The following ZNF232 variants were observed in gnomAD, a reference collection of about 807,000 sequenced individuals.
The protein encoded by ZNF232 is zinc finger and SCAN domain-containing protein 11.
ZNF232 carries 25 observed loss-of-function variants against 25.2 expected under a neutral mutation model. The ratio of observed to expected loss-of-function variants is 0.99; its 90% CI spans 0.72 to 1.39. ZNF232 has a LOEUF of 1.39. ZNF232 is among the 40% of genes most tolerant of loss of function. The probability of loss-of-function intolerance (pLI) is 0.00; values close to 1 mark genes in which losing one functional copy is unlikely to be tolerated. For synonymous variants in ZNF232, 193 were observed against 182.9 expected (o/e 1.06, Z -0.45); for missense variants, 519 against 520.9 (o/e 1.00, Z 0.04).
At chr17:5,108,850 C>T (rs925746191) in intron 3 of ZNF232, 76 bp downstream of exon 3, 5 of 1,603,096 alleles carry the variant, frequency 3.1e-6, no homozygotes, top group Non-Finnish European at 4.3e-6. Flanking sequence ...ACTATTTACC[C>T]TTTACAGGTA....
At position 5,117,190 on chromosome 17, in the gene ZNF232, C is replaced by T. The variant is rs568696874; in HGVS notation, c.-529-4839G>A. Among the ~76,000 whole-genome samples, 10 of 152,304 alleles carry T rather than the reference C, an allele frequency of 6.6e-5. No individual in the cohort carries two copies. In the East Asian group the frequency reaches 1.9e-3, roughly 29 times the overall value. The stretch of plus-strand genomic sequence containing the variant: ...AGAGACTTGTCCATTTATGCTCACC[C>T]TGCTTTGTAGCACCCGCTGCTTAAC... On this transcript the variant is annotated intron_variant, in intron 1 of 4. Transcript: ENST00000250076.
At chr17:5,108,484 T>C (rs939642173) in intron 3 of ZNF232, among the ~76,000 whole-genome samples, 1 of 151,652 alleles carries the variant, frequency 6.6e-6, no homozygotes, top group African/African-American at 2.4e-5. Context: ...GAGTGCTTTA[T>C]GGCTTAAAAA....
rs1299505584 is a variant in ZNF232 at position 5,105,997 on chromosome 17, C to T, written c.1135G>A (p.Glu379Lys). 5 of 1,614,170 alleles carry T rather than the reference C, an allele frequency of 3.1e-6. No homozygotes were observed. The highest frequency in any genetic ancestry group is 4.2e-6 in the Non-Finnish European group (5 of 1,179,996). Reference sequence around the variant, plus strand: ...AAGGCCTTCCCACACTCATTACACTCATAGGGCTTCTCTCCTGAGTGAATC... The same window carrying T: ...AAGGCCTTCCCACACTCATTACACTTATAGGGCTTCTCTCCTGAGTGAATC... Residue 379 changes from glutamate to lysine, a missense_variant, in exon 4 of 4, where the codon GAG (glutamate) becomes AAG (lysine). Physicochemically the swap from Glu to Lys is moderately conservative, Grantham distance 56. Transcript: ENST00000575898.
chr17:5,109,521 A>G (rs1301504747), exon 2 of ZNF232: 2 of 1,614,206 alleles, frequency 1.2e-6, no homozygotes, highest in South Asian at 2.2e-5. Context: ...GAATTGTTCC[A>G]GCACCAGGAA....
chr17:5,115,185 G>A (rs1054202673), upstream of ZNF232, among the ~76,000 whole-genome samples: 2 of 151,966 alleles, frequency 1.3e-5, no homozygotes, highest in Non-Finnish European at 2.9e-5. Context: ...CATCTTTTGG[G>A]GGGTGGGGCG....
At chr17:5,115,499 C>A (rs565624357), upstream of ZNF232, among the ~76,000 whole-genome samples, 3 of 151,636 alleles carry the variant, frequency 2.0e-5, no homozygotes, top group South Asian at 6.3e-4. Context: ...TACAGTGAGC[C>A]GAGATGGCGC....
intron 1 of ZNF232, among the ~76,000 whole-genome samples, chr17:5,122,133 A>AGGGT (rs1248793834): frequency 1.1e-5 from 1 of 94,338 alleles, no homozygotes; most frequent in Non-Finnish European, 2.1e-5. Context: ...TGCGGGGTGG[A>AGGGT]GGGTGGGTCG....
rs76867845 is a variant in ZNF232 at position 5,110,780 on chromosome 17, T to C, written c.24-912A>G. ...TAGGTCTCAACCAATTTAGGGGTTA[T>C]TTTGCTAAGGTTGAGGATGCACCCA... On this transcript the variant is annotated intron_variant, in intron 1 of 3. Transcript: ENST00000575898. Among the ~76,000 whole-genome samples the C allele has an allele frequency of 3.8e-3, 575 of 152,234 alleles. 10 individuals are homozygous for C. Among genetic ancestry groups the C allele is most frequent in the Admixed American group, 0.027 (406 of 15,286 alleles).
chr17:5,108,785 C>A, intron 3 of ZNF232, 141 bp downstream of exon 3: 1 of 1,338,572 alleles, frequency 7.5e-7, no homozygotes, highest in South Asian at 1.4e-5. Context: ...AAGTCTCTCA[C>A]CTAAGAGATA....
exon 1 of ZNF232, chr17:5,123,061 G>A (rs1347774359): frequency 6.5e-6 from 1 of 153,250 alleles, no homozygotes; most frequent in Admixed American, 6.5e-5. Flanking sequence ...ACCTGGGCTG[G>A]ATCCTTAGGC....
chr17:5,105,756 A>G, exon 4 of ZNF232: 1 of 1,406,540 alleles, frequency 7.1e-7, no homozygotes. Flanking sequence ...TATAACTTTT[A>G]TGGGATCCAG....
upstream of ZNF232, among the ~76,000 whole-genome samples, chr17:5,115,704 A>T (rs991095676): frequency 6.6e-6 from 1 of 152,214 alleles, no homozygotes; most frequent in Non-Finnish European, 1.5e-5. Flanking sequence ...TTAGAGTGTC[A>T]GAAGGCCCCA....
At chr17:5,117,857 G>A (rs1383879684) in intron 1 of ZNF232, among the ~76,000 whole-genome samples, 2 of 152,102 alleles carry the variant, frequency 1.3e-5, no homozygotes, top group East Asian at 1.9e-4. Context: ...GACTTTGGGA[G>A]GCCAAGGCAG....
At chr17:5,118,836 C>A (rs903637930) in intron 1 of ZNF232, among the ~76,000 whole-genome samples, 4 of 152,248 alleles carry the variant, frequency 2.6e-5, no homozygotes, top group Admixed American at 6.5e-5. Flanking sequence ...CTGGCCATCT[C>A]TCTCATCTAC....
intron 2 of ZNF232, 152 bp from the exon 3 acceptor site, chr17:5,109,204 A>G (rs1339496479): frequency 7.8e-7 from 1 of 1,275,974 alleles, no homozygotes; most frequent in Admixed American, 2.0e-5. Context: ...GCACAAGGGA[A>G]GAAGAGGAGC....
At chr17:5,117,141 T>C (rs2072555773) in intron 1 of ZNF232, among the ~76,000 whole-genome samples, 1 of 152,248 alleles carries the variant, frequency 6.6e-6, no homozygotes, top group Non-Finnish European at 1.5e-5. Context: ...GTTTCTCTTC[T>C]ACAATTATAA....
At chr17:5,106,680 C>T (rs1411394194) in intron 3 of ZNF232, 147 bp from the exon 4 acceptor site, 2 of 631,546 alleles carry the variant, frequency 3.2e-6, no homozygotes, top group South Asian at 3.2e-5. Context: ...TGGGACTATA[C>T]AGAGGAGAGG....
intron 1 of ZNF232, among the ~76,000 whole-genome samples, chr17:5,121,952 CGT>C (rs1459728511): frequency 6.6e-6 from 1 of 151,994 alleles, no homozygotes; most frequent in Non-Finnish European, 1.5e-5. Flanking sequence ...GATTAGATCA[CGT>C]AGGCAATGGG....
At chr17:5,111,699 C>G (rs2072416297) in intron 1 of ZNF232, 101 bp downstream of exon 1, 1 of 1,587,452 alleles carries the variant, frequency 6.3e-7, no homozygotes. Flanking sequence ...AACCGCGGAG[C>G]TGCCTGCCAG....
Sources: allele counts gnomAD v4.1 joint callset (sites outside exome capture counted in the v4.1 genomes callset), GRCh38; gene constraint gnomAD v4.1.1; transcripts MANE v1.5; gene names NCBI Gene and HGNC (gene_info 2026-07-23, HGNC 2026-07-21).